The following SNX29 variants were observed in gnomAD, a reference collection of about 807,000 sequenced individuals.
The protein encoded by SNX29 is sorting nexin 29, also known as sorting nexin-29.
In SNX29, 78 loss-of-function variants were observed where a neutral mutation model predicts 102.1. The ratio of observed to expected loss-of-function variants is 0.76; its 90% CI spans 0.64 to 0.92. The LOEUF is 0.92. SNX29 is among the 40% of genes least tolerant of loss of function. The pLI, the probability that SNX29 is intolerant of heterozygous loss-of-function variation, is 0.00. For missense variants in SNX29, 1,280 were observed against 1,061.7 expected, an observed-to-expected ratio of 1.21 and a Z score of -2.86; for synonymous variants, 580 against 414.5, an observed-to-expected ratio of 1.40 and a Z score of -4.85.
rs1163615225 is a variant in SNX29, at chr16:12,564,852, G to A, written c.2319-3654G>A. On this transcript the variant is annotated intron_variant, in intron 20 of 20. Coordinates refer to ENST00000566228, the MANE Select transcript of SNX29 (RefSeq NM_032167.5). ...AACGCTGAAGTCGGCAGCTAACAAG[G>A]GCTATGAGAGATGAGAATTTCACTC... Among the ~76,000 whole-genome samples the A allele has an allele frequency of 2.0e-5, 3 of 151,432 alleles. No individual in the cohort carries two copies. The East Asian group carries it at 5.8e-4, about 29-fold the overall frequency.
intron 19 of SNX29, among the ~76,000 whole-genome samples, chr16:12,517,837 C>T (rs1425502081): frequency 1.3e-5 from 2 of 151,990 alleles, no homozygotes; most frequent in Non-Finnish European, 1.5e-5. Context: ...CTGGCATGTC[C>T]CGAGAGGTCT....
chr16:12,144,142 A>C (rs1010070498), intron 13 of SNX29, among the ~76,000 whole-genome samples: 2 of 152,196 alleles, frequency 1.3e-5, no homozygotes, highest in Non-Finnish European at 2.9e-5. Context: ...TTTAAGTAGC[A>C]AGGACTTAAG....
At chr16:12,141,939 G>A (rs1238239123) in intron 13 of SNX29, among the ~76,000 whole-genome samples, 1 of 152,138 alleles carries the variant, frequency 6.6e-6, no homozygotes, top group African/African-American at 2.4e-5. Flanking sequence ...GTGGGTCTCA[G>A]CCTCATTTTA....
intron 14 of SNX29, among the ~76,000 whole-genome samples, chr16:12,258,578 A>G (rs919607973): frequency 4.6e-5 from 7 of 152,116 alleles, no homozygotes; most frequent in African/African-American, 1.7e-4. Flanking sequence ...TGCTCAGCAG[A>G]ACTGTCTCTC....
chr16:12,317,375 C>T (rs147615117), intron 15 of SNX29, among the ~76,000 whole-genome samples: 2,145 of 152,264 alleles, frequency 0.014, 32 homozygotes, highest in South Asian at 0.057. Flanking sequence ...TTGGCTCTTC[C>T]GTGAAGCCCT....
chr16:12,529,943 C>T (rs533761516), intron 20 of SNX29, among the ~76,000 whole-genome samples: 106 of 152,280 alleles, frequency 7.0e-4, no homozygotes, highest in African/African-American at 2.0e-3. Flanking sequence ...ACCCAGTTGC[C>T]AGTAAGGAGT....
rs902640223 is a variant in SNX29 at position 12,573,437 on chromosome 16, G to T, written c.*4808G>T. 4.5e-6 allele frequency: 1 copy of T among 223,786 alleles called. No individual in the cohort carries two copies. The highest frequency in any genetic ancestry group is 2.2e-5 in the African/African-American group (1 of 44,804). 13.9% of individuals were successfully genotyped at this position (223,786 alleles called of 1,614,324 possible). Reference sequence around the variant, plus strand: ...AAAAGAAATCTGGCTTCCTTAATAAGATAGTTGAGCCTATGACATTAAGGA... The same window carrying T: ...AAAAGAAATCTGGCTTCCTTAATAATATAGTTGAGCCTATGACATTAAGGA... On this transcript the variant is annotated 3_prime_UTR_variant, in exon 21 of 21. Transcript: ENST00000566228.
At position 12,308,931 on chromosome 16, in the gene SNX29, C is replaced by T. The variant is rs146787706; in HGVS notation, c.1782+30895C>T. Among the ~76,000 whole-genome samples, 177 of 152,160 alleles carry T rather than the reference C, an allele frequency of 1.2e-3. 2 individuals carry two copies. Among genetic ancestry groups the T allele is most frequent in the African/African-American group, 4.1e-3 (169 of 41,490 alleles). ...TGCATGTAGGAAGGAGAGAATGAGTCGGGGAAATGCAGGTCACAACCAGCT... is the reference window on the plus strand; with the variant it reads ...TGCATGTAGGAAGGAGAGAATGAGTTGGGGAAATGCAGGTCACAACCAGCT... On this transcript the variant is annotated intron_variant, in intron 15 of 20. Coordinates refer to ENST00000566228, the MANE Select transcript of SNX29 (RefSeq NM_032167.5).
intron 18 of SNX29, among the ~76,000 whole-genome samples, chr16:12,447,966 C>G (rs1412531753): frequency 1.3e-5 from 2 of 152,154 alleles, no homozygotes; most frequent in Non-Finnish European, 2.9e-5. Context: ...TAGCTGAGAT[C>G]ATTCACATCT....
chr16:12,443,914 A>G (rs1410245700), intron 18 of SNX29, among the ~76,000 whole-genome samples: 1 of 152,254 alleles, frequency 6.6e-6, no homozygotes, highest in Non-Finnish European at 1.5e-5. Flanking sequence ...CGAAACTTGC[A>G]TAGCACCTAG....
chr16:12,261,542 G>T (rs2078763406), intron 14 of SNX29, among the ~76,000 whole-genome samples: 1 of 136,308 alleles, frequency 7.3e-6, no homozygotes, highest in South Asian at 2.4e-4. Flanking sequence ...GTCCCCGGCT[G>T]GAGTAAGTGT....
rs140426043 is a variant in SNX29, at chr16:12,275,927, C to G, written c.1679-2006C>G. 2.5e-3 allele frequency among the ~76,000 whole-genome samples: 315 copies of G among 127,044 alleles called. 1 individual carries two copies. In the Middle Eastern group the frequency reaches 0.033, roughly 13 times the overall value. 83.3% of individuals were successfully genotyped at this position (127,044 alleles called of 152,430 possible). ...TGGGGGGCGTGGTCAGAGTCTTGCT[C>G]TGTTGCCCAGGCTGGAGTGCAGTGG... On this transcript the variant is annotated intron_variant, in intron 14 of 20. Transcript: ENST00000566228.
intron 13 of SNX29, among the ~76,000 whole-genome samples, chr16:12,144,614 C>T (rs1176479842): frequency 6.6e-6 from 1 of 152,250 alleles, no homozygotes; most frequent in South Asian, 2.1e-4. Flanking sequence ...TGATCGTGGA[C>T]TTCCCAGCTT....
intron 14 of SNX29, among the ~76,000 whole-genome samples, chr16:12,277,132 A>G (rs2079276072): frequency 6.6e-6 from 1 of 152,208 alleles, no homozygotes; most frequent in Non-Finnish European, 1.5e-5. Context: ...TCACACCTGT[A>G]GTCTCAGCAC....
intron 16 of SNX29, among the ~76,000 whole-genome samples, chr16:12,359,948 T>G (rs1412184977): frequency 1.3e-5 from 2 of 152,162 alleles, no homozygotes; most frequent in Non-Finnish European, 2.9e-5. Context: ...CTCAGCCTCC[T>G]GAGTAGCTGG....
chr16:12,471,226 ATCT>A (rs1006271371), intron 18 of SNX29, among the ~76,000 whole-genome samples: 33 of 152,150 alleles, frequency 2.2e-4, no homozygotes, highest in Admixed American at 2.0e-3. Context: ...CCCTCCCCAC[ATCT>A]TCTTTTCCAC....
intron 3 of SNX29, among the ~76,000 whole-genome samples, chr16:12,015,259 A>G (rs914573188): frequency 2.0e-5 from 3 of 150,842 alleles, no homozygotes; most frequent in African/African-American, 4.9e-5. Flanking sequence ...AATTTTTTAT[A>G]TTTTTTGGAG....
chr16:12,126,693 A>G lies in SNX29; in HGVS notation c.1463A>G (p.Asn488Ser). The G allele has an allele frequency of 1.2e-6, 2 of 1,613,964 alleles. No individual in the cohort carries two copies. The highest frequency in any genetic ancestry group is 1.7e-6 in the Non-Finnish European group (2 of 1,179,858). Reference sequence around the variant, plus strand: ...AGGAAGGATGAGCTGGAGGAGGAGAACAGGTACCGTGATTTTCAGGCTTGA... The same window carrying G: ...AGGAAGGATGAGCTGGAGGAGGAGAGCAGGTACCGTGATTTTCAGGCTTGA... Reference protein sequence around the residue: ...MNRKDELEEENRSLRNLLDGE... With the variant: ...MNRKDELEEESRSLRNLLDGE... The change falls in exon 12 of 21, where the codon AAC (asparagine) becomes AGC (serine). Residue 488 changes from asparagine (N) to serine (S), a missense_variant. Transcript: ENST00000566228.
intron 1 of SNX29, among the ~76,000 whole-genome samples, chr16:11,987,031 A>C (rs990589742): frequency 6.6e-6 from 1 of 152,158 alleles, no homozygotes; most frequent in Non-Finnish European, 1.5e-5. Context: ...TTCTGGATTT[A>C]ACTCCCTATT....
Sources: gnomAD v4.1 joint callset for allele counts (sites outside exome capture counted in the v4.1 genomes callset) on GRCh38, gnomAD v4.1.1 for gene constraint, MANE v1.5 for transcripts, NCBI Gene and HGNC (gene_info 2026-07-23, HGNC 2026-07-21) for gene names.